The following LRP6 variants were observed in gnomAD, a reference collection of about 807,000 sequenced individuals.
LRP6 encodes the protein low-density lipoprotein receptor-related protein 6.
A neutral mutation model predicts 184.1 loss-of-function variants in LRP6; 43 were observed. That is an observed-to-expected ratio of 0.23 (90% confidence interval 0.18 to 0.30). The LOEUF (loss-of-function observed/expected upper bound fraction) is 0.30, where lower values mean the gene tolerates loss of function less well. LRP6 is among the 10% of genes least tolerant of loss of function. The probability of loss-of-function intolerance (pLI) is 1.00; values close to 1 mark genes in which losing one functional copy is unlikely to be tolerated. For missense variants in LRP6, 1,571 were observed against 2,005.3 expected (o/e 0.78, Z 4.14); for synonymous variants, 719 against 684.9 (o/e 1.05, Z -0.78).
At position 12,244,448 on chromosome 12, in the gene LRP6, TTCTGCACAC is replaced by T; in HGVS notation, c.254_262del (p.Ser85_Gln87del). On this transcript the variant is annotated inframe_deletion, in exon 2 of 23. Coordinates refer to ENST00000261349, the MANE Select transcript of LRP6 (RefSeq NM_002336.3). Reference sequence around the variant, plus strand: ...GGACAATAATCCAGAAACAACAACATTCTGCACACTCTCAGTTTTGTTAAATTCTGTTCG... The same window carrying T: ...GGACAATAATCCAGAAACAACAACATTCTCAGTTTTGTTAAATTCTGTTCG... 1 of 1,614,172 alleles carries T rather than the reference TTCTGCACAC, an allele frequency of 6.2e-7. No individual in the cohort carries two copies. Among genetic ancestry groups the T allele is most frequent in the Non-Finnish European group, 8.5e-7 (1 of 1,180,034 alleles).
At position 12,121,249 on chromosome 12, in the gene LRP6, G is replaced by T. The variant is rs140573062; in HGVS notation, c.4719C>A (p.Pro1573=). 4 of 1,614,126 alleles carry T rather than the reference G, an allele frequency of 2.5e-6. No homozygotes were observed. Among genetic ancestry groups the T allele is most frequent in the Non-Finnish European group, 3.4e-6 (4 of 1,180,026 alleles). The change falls in exon 23 of 23, where the codon CCC becomes CCA. Residue 1573 remains proline, a synonymous_variant. Transcript: ENST00000261349. ...DSEPVPPPPT[P]RSQYLSAEEN... ...CCTCTGCTGACAAGTATTGGCTTCG[G>T]GGTGTGGGAGGTGGGGGCACAGGTT...
intron 2 of LRP6, among the ~76,000 whole-genome samples, chr12:12,225,455 G>A (rs546791342): frequency 1.3e-5 from 2 of 152,222 alleles, no homozygotes; most frequent in South Asian, 4.2e-4. Flanking sequence ...GCCAGCACCC[G>A]AGTAGGAAAA....
chr12:12,180,589 A>G (rs1863319348), intron 6 of LRP6, among the ~76,000 whole-genome samples: 1 of 152,166 alleles, frequency 6.6e-6, no homozygotes, highest in African/African-American at 2.4e-5. Flanking sequence ...ACAAACAACA[A>G]CAACAAACTA....
intron 21 of LRP6, among the ~76,000 whole-genome samples, chr12:12,124,905 T>C (rs1396623819): frequency 2.0e-5 from 3 of 152,152 alleles, no homozygotes; most frequent in East Asian, 3.9e-4. Flanking sequence ...CTAAAAATCA[T>C]TGGTCAGTAC....
At chr12:12,172,213 C>G (rs1353689134) in intron 7 of LRP6, among the ~76,000 whole-genome samples, 1 of 152,224 alleles carries the variant, frequency 6.6e-6, no homozygotes, top group African/African-American at 2.4e-5. Context: ...GTGGTTTCAG[C>G]TGCTTTGACC....
At position 12,125,356 on chromosome 12, in the gene LRP6, G is replaced by C. The variant is rs145926249; in HGVS notation, c.4389C>G (p.Ala1463=). 1 of 1,613,968 alleles carries C rather than the reference G, an allele frequency of 6.2e-7. No individual in the cohort carries two copies. The highest frequency in any genetic ancestry group is 8.5e-7 in the Non-Finnish European group (1 of 1,179,962). ...TACTTGATGATGCTCCTGTAACATG[G>C]GCTCGGTCATAGGGGGGTCCACTGC... ...GGSSGPPYDR[A]HVTGASSSSS... Residue 1463 remains alanine, a synonymous_variant, in exon 21 of 23, where the codon GCC becomes GCG. Transcript: ENST00000261349.
At position 12,147,525 on chromosome 12, in the gene LRP6, A is replaced by T; in HGVS notation, c.3238T>A (p.Ser1080Thr). ...AAAGCAGCCCGTTCAATTTTAGGAGACCTTTCCTGAAGATTGGTAAAATAC... is the reference window on the plus strand; with the variant it reads ...AAAGCAGCCCGTTCAATTTTAGGAGTCCTTTCCTGAAGATTGGTAAAATAC... ...YMYFTNLQERSPKIERAALDG... is the reference protein window; with the variant it reads ...YMYFTNLQERTPKIERAALDG... Residue 1080 changes from serine to threonine, a missense_variant, in exon 15 of 23, where the codon TCT (serine) becomes ACT (threonine). By Grantham distance (58) the Ser-to-Thr change is moderately conservative. This residue lies in a region of LRP6 where 763 missense variants were observed against 859.5 expected (regional missense o/e 0.89). Coordinates refer to ENST00000261349, the MANE Select transcript of LRP6 (RefSeq NM_002336.3). 1 of 1,614,036 alleles carries T rather than the reference A, an allele frequency of 6.2e-7. No individual in the cohort carries two copies. The highest frequency in any genetic ancestry group is 8.5e-7 in the Non-Finnish European group (1 of 1,179,982).
At chr12:12,135,509 T>TATTATTA (rs1227417669) in intron 16 of LRP6, among the ~76,000 whole-genome samples, 1 of 137,746 alleles carries the variant, frequency 7.3e-6, no homozygotes, top group Non-Finnish European at 1.6e-5. Flanking sequence ...TTATTATTAT[T>TATTATTA]TTGAGACAGA....
chr12:12,249,452 C>T, intron 1 of LRP6: 1 of 725,174 alleles, frequency 1.4e-6, no homozygotes, highest in Non-Finnish European at 2.5e-6. Context: ...AACCACAACA[C>T]AGTGTTACAG....
intron 1 of LRP6, among the ~76,000 whole-genome samples, chr12:12,245,996 C>CTTTTT (rs71061029): frequency 2.0e-4 from 18 of 90,180 alleles, no homozygotes; most frequent in African/African-American, 3.3e-4. Context: ...TTTATATAAA[C>CTTTTT]TTTTTTTTTT....
chr12:12,239,403 T>A (rs1010920693), intron 2 of LRP6, among the ~76,000 whole-genome samples: 5 of 152,208 alleles, frequency 3.3e-5, no homozygotes, highest in Non-Finnish European at 5.9e-5. Flanking sequence ...ACGGTCCAAG[T>A]GGTAGGACAA....
chr12:12,263,907 T>C (rs1435158145), intron 1 of LRP6, among the ~76,000 whole-genome samples: 2 of 151,318 alleles, frequency 1.3e-5, no homozygotes, highest in Non-Finnish European at 2.9e-5. Context: ...TCCCAGCACT[T>C]TGAGAGGATC....
At chr12:12,213,336 T>C (rs1449348607) in intron 2 of LRP6, among the ~76,000 whole-genome samples, 1 of 152,136 alleles carries the variant, frequency 6.6e-6, no homozygotes, top group African/African-American at 2.4e-5. Context: ...TCCTAAAACA[T>C]CTTAAATCCT....
chr12:12,144,291 T>C (rs1021628095), intron 15 of LRP6, among the ~76,000 whole-genome samples: 13 of 152,190 alleles, frequency 8.5e-5, no homozygotes, highest in African/African-American at 2.7e-4. Context: ...TCATGGCTCA[T>C]TGCAGCAGTG....
At position 12,147,415 on chromosome 12, in the gene LRP6, G is replaced by C. The variant is rs763679968; in HGVS notation, c.3348C>G (p.Leu1116=). 3 of 1,614,170 alleles carry C rather than the reference G, an allele frequency of 1.9e-6. No homozygotes were observed. The highest frequency in any genetic ancestry group is 2.5e-6 in the Non-Finnish European group (3 of 1,180,030). ...GCCGGAGATCTGAATCAGCCCAAAA[G>C]AGCTTGCCCAGCCTGCTATCAAGGG... ...ALALDSRLGK[L]FWADSDLRRI... Residue 1116 remains leucine (L), a synonymous_variant, in exon 15 of 23, where the codon CTC becomes CTG. Transcript: ENST00000261349.
chr12:12,125,839 A>T (rs1376334344), intron 20 of LRP6, among the ~76,000 whole-genome samples: 4 of 152,232 alleles, frequency 2.6e-5, no homozygotes, highest in African/African-American at 9.6e-5. Context: ...CAACATATGA[A>T]AGAATATTTT....
chr12:12,174,156 T>C (rs1171147565), intron 7 of LRP6, among the ~76,000 whole-genome samples: 1 of 152,004 alleles, frequency 6.6e-6, no homozygotes, highest in Admixed American at 6.6e-5. Context: ...CTGTTGTCCA[T>C]GCTGGAGTGC....
intron 1 of LRP6, among the ~76,000 whole-genome samples, chr12:12,253,915 G>A (rs1865393168): frequency 6.6e-6 from 1 of 151,918 alleles, no homozygotes; most frequent in African/African-American, 2.4e-5. Flanking sequence ...AAGCTGAGGT[G>A]GGCATATCAC....
chr12:12,179,326 C>T (rs1863274515), intron 7 of LRP6, among the ~76,000 whole-genome samples: 2 of 151,744 alleles, frequency 1.3e-5, no homozygotes, highest in Admixed American at 6.6e-5. Flanking sequence ...TTAATATATT[C>T]TACCATCTGC....
Sources: allele counts gnomAD v4.1 joint callset (sites outside exome capture counted in the v4.1 genomes callset), GRCh38; gene constraint gnomAD v4.1.1; regional missense constraint gnomAD v4.1.1; transcripts MANE v1.5; gene names NCBI Gene and HGNC (gene_info 2026-07-23, HGNC 2026-07-21).